Variants in NTRK3 observed in about 807,000 individuals in gnomAD.
NTRK3 encodes the protein neurotrophic receptor tyrosine kinase 3, also known as NT-3 growth factor receptor.
In NTRK3, 24 loss-of-function variants were observed where a neutral mutation model predicts 91.7. The ratio of observed to expected loss-of-function variants is 0.26; its 90% CI spans 0.19 to 0.37. The LOEUF is 0.37. Among genes scored for constraint, NTRK3 ranks in the 10% least tolerant of loss-of-function variants. The pLI, the probability that NTRK3 is intolerant of heterozygous loss-of-function variation, is 1.00. For synonymous variants in NTRK3, 483 were observed against 404.0 expected, an observed-to-expected ratio of 1.20 and a Z score of -2.34; for missense variants, 880 against 1,068.9, an observed-to-expected ratio of 0.82 and a Z score of 2.46.
chr15:87,966,432 G>A (rs1362277006), intron 14 of NTRK3, among the ~76,000 whole-genome samples: 1 of 152,138 alleles, frequency 6.6e-6, no homozygotes, highest in Non-Finnish European at 1.5e-5. Context: ...TAAGGAGTTG[G>A]CCCCTGGCCT....
intron 3 of NTRK3, among the ~76,000 whole-genome samples, chr15:88,218,342 G>T (rs995030902): frequency 1.3e-5 from 2 of 152,194 alleles, no homozygotes; most frequent in African/African-American, 4.8e-5. Flanking sequence ...CCCAGGCTAT[G>T]GGGCCAGGCA....
At chr15:88,137,838 G>A (rs923751337) in intron 6 of NTRK3, among the ~76,000 whole-genome samples, 1 of 152,328 alleles carries the variant, frequency 6.6e-6, no homozygotes, top group Middle Eastern at 3.4e-3. Flanking sequence ...AGATCATGAG[G>A]TCAAGAGATT....
intron 3 of NTRK3, among the ~76,000 whole-genome samples, chr15:88,201,922 T>A (rs2048334931): frequency 1.3e-5 from 2 of 152,146 alleles, no homozygotes. Flanking sequence ...TAAAATACAT[T>A]TGAATGATGT....
chr15:88,184,253 T>C lies in NTRK3; in HGVS notation c.295A>G (p.Met99Val), dbSNP rs1283958846. Residue 99 changes from methionine (M) to valine (V), a missense_variant, in exon 4 of 19, where the codon ATG becomes GTG. Met to Val is a conservative substitution (Grantham distance 21). This residue lies in a region of NTRK3 where 743 missense variants were observed against 868.6 expected (regional missense o/e 0.86). Transcript: ENST00000394480. ...TTTTGAAGTCCGGTGTAGAGCTCCA[T>C]GTCCACGGCGTTGAGCGTGTGAAGA... The C allele has an allele frequency of 8.1e-6, 13 of 1,613,968 alleles. No homozygotes were observed. The East Asian group carries it at 2.2e-4, about 28-fold the overall frequency.
chr15:88,020,338 A>C (rs1047357177), intron 14 of NTRK3, among the ~76,000 whole-genome samples: 3 of 152,072 alleles, frequency 2.0e-5, no homozygotes, highest in Non-Finnish European at 4.4e-5. Flanking sequence ...TACATCCATC[A>C]TTTCCTGACA....
chr15:88,208,302 C>A (rs2048959353), intron 3 of NTRK3, among the ~76,000 whole-genome samples: 1 of 151,978 alleles, frequency 6.6e-6, no homozygotes, highest in African/African-American at 2.4e-5. Context: ...TTGGTCTCCA[C>A]CCCCTTTGGA....
chr15:87,886,891 A>C (rs1250464885), intron 17 of NTRK3, among the ~76,000 whole-genome samples: 1 of 151,592 alleles, frequency 6.6e-6, no homozygotes, highest in Admixed American at 6.6e-5. Context: ...TCAAAAAATT[A>C]ATATTTTTAA....
intron 14 of NTRK3, among the ~76,000 whole-genome samples, chr15:88,014,854 G>T (rs1247726286): frequency 6.6e-6 from 1 of 152,166 alleles, no homozygotes; most frequent in Non-Finnish European, 1.5e-5. Context: ...GTCATTGGTC[G>T]ATCTATGTTT....
At chr15:88,000,216 T>C (rs760329309) in intron 14 of NTRK3, among the ~76,000 whole-genome samples, 20 of 152,138 alleles carry the variant, frequency 1.3e-4, no homozygotes, top group Non-Finnish European at 2.8e-4. Flanking sequence ...AATGTCGACA[T>C]ATGTCCATAC....
chr15:87,972,160 C>T lies in NTRK3; in HGVS notation c.1586-31407G>A, dbSNP rs1251231682. ...ATGTGTCTTTTTCAGGGAAATAGGC[C>T]ACTTGCTCCAGTGAGGTCTCCAAAG... On this transcript the variant is annotated intron_variant, in intron 14 of 18. Coordinates refer to ENST00000394480, the Ensembl canonical transcript of NTRK3. Among the ~76,000 whole-genome samples, 3 of 152,064 alleles carry T rather than the reference C, an allele frequency of 2.0e-5. No homozygotes were observed. The East Asian group carries it at 5.8e-4, about 29-fold the overall frequency.
chr15:88,234,180 C>T lies in NTRK3; in HGVS notation c.248+21726G>A, dbSNP rs1249368565. 6.6e-6 allele frequency among the ~76,000 whole-genome samples: 1 copy of T among 152,104 alleles called. No individual in the cohort carries two copies. Among genetic ancestry groups the T allele is most frequent in the African/African-American group, 2.4e-5 (1 of 41,424 alleles). On this transcript the variant is annotated intron_variant, in intron 3 of 18. Transcript: ENST00000394480. The surrounding 1 kb of genome is among the most constrained non-coding windows in gnomAD (Gnocchi z 6.1). Reference sequence around the variant, plus strand: ...GATGGACAGCACCCTAGTCCAATCACATCTGCCCCTCTCAGGATCCAAGGT... The same window carrying T: ...GATGGACAGCACCCTAGTCCAATCATATCTGCCCCTCTCAGGATCCAAGGT...
intron 3 of NTRK3, among the ~76,000 whole-genome samples, chr15:88,200,540 C>T (rs1246926046): frequency 6.6e-6 from 1 of 152,172 alleles, no homozygotes; most frequent in Non-Finnish European, 1.5e-5. Flanking sequence ...ATGCTGTTCT[C>T]GTGATAATGG....
intron 13 of NTRK3, among the ~76,000 whole-genome samples, chr15:88,125,662 G>A (rs779578383): frequency 9.2e-5 from 14 of 152,208 alleles, no homozygotes; most frequent in East Asian, 7.7e-4. Context: ...CCCCTTACCC[G>A]AGCCTTGGCA....
chr15:87,891,309 T>C (rs2065849353), intron 17 of NTRK3, among the ~76,000 whole-genome samples: 1 of 152,224 alleles, frequency 6.6e-6, no homozygotes, highest in Non-Finnish European at 1.5e-5. Flanking sequence ...GCCACCAGTG[T>C]AATACACAAT....
intron 3 of NTRK3, among the ~76,000 whole-genome samples, chr15:88,252,370 G>A (rs998875864): frequency 6.6e-6 from 1 of 152,188 alleles, no homozygotes; most frequent in African/African-American, 2.4e-5. Context: ...CCAGAAGAGG[G>A]CCTTCAGGGA....
chr15:88,190,086 G>C (rs1597856206), intron 3 of NTRK3, among the ~76,000 whole-genome samples: 1 of 152,076 alleles, frequency 6.6e-6, no homozygotes, highest in Admixed American at 6.6e-5. Context: ...ACAGGAACTC[G>C]GTCGGTGGGA....
chr15:87,918,375 C>T (rs1347424), intron 17 of NTRK3, among the ~76,000 whole-genome samples: 55,772 of 152,036 alleles, frequency 0.37, 10,325 homozygotes, highest in South Asian at 0.49. Flanking sequence ...TTTCCTTTAC[C>T]AACATTTCTT....
chr15:88,224,981 G>A (rs2050550644), intron 3 of NTRK3, among the ~76,000 whole-genome samples: 1 of 152,168 alleles, frequency 6.6e-6, no homozygotes, highest in African/African-American at 2.4e-5. Context: ...GATCCTGTTT[G>A]CCTTTTTATT....
chr15:87,984,216 C>A (rs1596525653), intron 14 of NTRK3, among the ~76,000 whole-genome samples: 2 of 152,340 alleles, frequency 1.3e-5, no homozygotes, highest in African/African-American at 4.8e-5. Flanking sequence ...CCCAGTGGAA[C>A]TCTTTCCTGA....
Sources: allele counts gnomAD v4.1 joint callset (sites outside exome capture counted in the v4.1 genomes callset), GRCh38; gene constraint gnomAD v4.1.1; regional missense constraint gnomAD v4.1.1; non-coding constraint Gnocchi (gnomAD v3.1); transcripts MANE v1.5; gene names NCBI Gene and HGNC (gene_info 2026-07-23, HGNC 2026-07-21).